CNTNAP5: variants seen among roughly 807,000 people sequenced by gnomAD.
CNTNAP5 encodes the protein contactin associated protein family member 5.
A neutral mutation model predicts 150.2 loss-of-function variants in CNTNAP5; 72 were observed. The observed-to-expected ratio is 0.48, with a 90% confidence interval of 0.40 to 0.58. CNTNAP5 has a LOEUF of 0.58. Ranked by LOEUF, CNTNAP5 falls within the 20% of genes least tolerant of loss-of-function variation. The probability of loss-of-function intolerance (pLI) is 0.00; values close to 1 mark genes in which losing one functional copy is unlikely to be tolerated. For synonymous variants in CNTNAP5, 672 were observed against 619.8 expected (o/e 1.08, Z -1.25); for missense variants, 1,636 against 1,626.2 (o/e 1.01, Z -0.10).
intron 21 of CNTNAP5, among the ~76,000 whole-genome samples, chr2:124,889,477 G>T (rs982269396): frequency 6.6e-6 from 1 of 152,078 alleles, no homozygotes; most frequent in Admixed American, 6.6e-5. Context: ...CGTATGGATA[G>T]TCAGCTATCC....
At chr2:124,555,525 C>T (rs1356577383) in intron 10 of CNTNAP5, among the ~76,000 whole-genome samples, 5 of 152,206 alleles carry the variant, frequency 3.3e-5, no homozygotes, top group Non-Finnish European at 5.9e-5. Flanking sequence ...TTGATGAACT[C>T]TTACATTTTT....
At chr2:124,295,566 A>G (rs1391113336) in intron 3 of CNTNAP5, among the ~76,000 whole-genome samples, 1 of 152,256 alleles carries the variant, frequency 6.6e-6, no homozygotes, top group Non-Finnish European at 1.5e-5. Flanking sequence ...GTGTATTTAT[A>G]GATGTTGTTT....
At chr2:124,314,780 C>T (rs1688922878) in intron 3 of CNTNAP5, among the ~76,000 whole-genome samples, 1 of 152,158 alleles carries the variant, frequency 6.6e-6, no homozygotes, top group Non-Finnish European at 1.5e-5. Context: ...CATCCATCCA[C>T]TCCTGCATAT....
chr2:124,794,992 T>C (rs1681814476), intron 18 of CNTNAP5, among the ~76,000 whole-genome samples: 1 of 152,236 alleles, frequency 6.6e-6, no homozygotes, highest in Non-Finnish European at 1.5e-5. Flanking sequence ...TGATTTTATC[T>C]AAATTAATTA....
At chr2:124,897,114 A>C (rs921797463) in intron 21 of CNTNAP5, among the ~76,000 whole-genome samples, 1 of 151,454 alleles carries the variant, frequency 6.6e-6, no homozygotes, top group African/African-American at 2.4e-5. Flanking sequence ...TATCATAATT[A>C]CCTGAAAATG....
At chr2:124,746,142 A>G (rs1046377257) in intron 13 of CNTNAP5, among the ~76,000 whole-genome samples, 2 of 152,208 alleles carry the variant, frequency 1.3e-5, no homozygotes, top group Admixed American at 1.3e-4. Context: ...AAATAAGCAC[A>G]TGTTAAGCAC....
At chr2:124,792,491 T>C (rs921118995) in intron 18 of CNTNAP5, among the ~76,000 whole-genome samples, 5 of 152,232 alleles carry the variant, frequency 3.3e-5, no homozygotes, top group African/African-American at 4.8e-5. Context: ...ACAGAGCTTT[T>C]GTTTTGTGTA....
intron 3 of CNTNAP5, among the ~76,000 whole-genome samples, chr2:124,306,368 G>A (rs1302827056): frequency 6.6e-6 from 1 of 152,160 alleles, no homozygotes; most frequent in Non-Finnish European, 1.5e-5. Context: ...TAGGATGACA[G>A]CCTAACAGTG....
chr2:124,076,792 C>T (rs1172240377), intron 1 of CNTNAP5, among the ~76,000 whole-genome samples: 1 of 152,078 alleles, frequency 6.6e-6, no homozygotes, highest in Admixed American at 6.6e-5. Flanking sequence ...CAAATTGGCA[C>T]TATGCAAAGC....
chr2:124,055,825 A>G (rs1478342569), intron 1 of CNTNAP5, among the ~76,000 whole-genome samples: 3 of 152,122 alleles, frequency 2.0e-5, no homozygotes, highest in African/African-American at 7.2e-5. Context: ...CATCAAGAAG[A>G]CAGAAGCCAT....
rs13382676 is a variant in CNTNAP5 at position 124,071,565 on chromosome 2, T to C, written c.82+45833T>C. Among the ~76,000 whole-genome samples the C allele has an allele frequency of 9.4e-3, 1,428 of 151,978 alleles. 27 individuals carry two copies. The highest frequency in any genetic ancestry group is 0.032 in the African/African-American group (1,346 of 41,512). On this transcript the variant is annotated intron_variant, in intron 1 of 23. Coordinates refer to ENST00000682447, the MANE Select transcript of CNTNAP5 (RefSeq NM_001367498.1). ...CTCAAAAAATCATTAGTGGCTACTATGAGCATTATGAGTGACTATACATCA... is the reference window on the plus strand; with the variant it reads ...CTCAAAAAATCATTAGTGGCTACTACGAGCATTATGAGTGACTATACATCA...
chr2:124,466,710 T>C (rs1693386251), intron 6 of CNTNAP5, among the ~76,000 whole-genome samples: 2 of 152,190 alleles, frequency 1.3e-5, no homozygotes, highest in Non-Finnish European at 1.5e-5. Flanking sequence ...CTGTGACAAC[T>C]GTAAGTTGCC....
At chr2:124,881,616 T>C (rs189512281) in intron 21 of CNTNAP5, among the ~76,000 whole-genome samples, 9 of 152,096 alleles carry the variant, frequency 5.9e-5, no homozygotes, top group African/African-American at 1.9e-4. Context: ...GAGAAGTGGA[T>C]TGGATTGCTG....
chr2:124,425,853 AAGG>A (rs2104786414), intron 4 of CNTNAP5, among the ~76,000 whole-genome samples: 1 of 152,298 alleles, frequency 6.6e-6, no homozygotes, highest in Admixed American at 6.5e-5. Context: ...CAGTGACCAG[AAGG>A]AGTACAGAAT....
intron 18 of CNTNAP5, among the ~76,000 whole-genome samples, chr2:124,795,591 C>A (rs1681827517): frequency 6.6e-6 from 1 of 152,182 alleles, no homozygotes; most frequent in Admixed American, 6.5e-5. Context: ...AATCTCAGCT[C>A]ACTGCAACTC....
At chr2:124,097,971 T>C (rs1466947310) in intron 1 of CNTNAP5, among the ~76,000 whole-genome samples, 2 of 152,030 alleles carry the variant, frequency 1.3e-5, no homozygotes, top group Non-Finnish European at 2.9e-5. Context: ...GAGCTTGCCG[T>C]GGGCCGAGAT....
chr2:124,499,068 G>A (rs185061002), intron 7 of CNTNAP5, among the ~76,000 whole-genome samples: 89 of 152,248 alleles, frequency 5.8e-4, no homozygotes, highest in Non-Finnish European at 9.4e-4. Flanking sequence ...TACATTGCAC[G>A]TGGTCTCATG....
At chr2:124,216,311 T>C (rs1021567756) in intron 1 of CNTNAP5, among the ~76,000 whole-genome samples, 7 of 152,114 alleles carry the variant, frequency 4.6e-5, no homozygotes, top group African/African-American at 1.7e-4. Context: ...ATCAAAAATA[T>C]ATATGAAAAA....
chr2:124,857,177 C>T (rs1415225638), intron 19 of CNTNAP5, among the ~76,000 whole-genome samples: 1 of 152,140 alleles, frequency 6.6e-6, no homozygotes, highest in Non-Finnish European at 1.5e-5. Flanking sequence ...GTACCCCTCC[C>T]ACTTCAACTC....
Sources: allele counts gnomAD v4.1 joint callset (sites outside exome capture counted in the v4.1 genomes callset), GRCh38; gene constraint gnomAD v4.1.1; transcripts MANE v1.5; gene names NCBI Gene and HGNC (gene_info 2026-07-23, HGNC 2026-07-21).